COLEC10: variants seen among roughly 807,000 people sequenced by gnomAD.
The protein encoded by COLEC10 is collectin-10.
A neutral mutation model predicts 28.4 loss-of-function variants in COLEC10; 22 were observed. That is an observed-to-expected ratio of 0.78 (90% confidence interval 0.55 to 1.11). COLEC10 has a LOEUF of 1.11. Among genes scored for constraint, COLEC10 ranks in the 50% least tolerant of loss-of-function variants. COLEC10 has a pLI of 0.00. For synonymous variants in COLEC10, 125 were observed against 116.1 expected, an observed-to-expected ratio of 1.08 and a Z score of -0.49; for missense variants, 361 against 344.1, an observed-to-expected ratio of 1.05 and a Z score of -0.39.
chr8:119,091,054 A>C, intron 2 of COLEC10, 95 bp from the exon 3 acceptor site: 1 of 923,896 alleles, frequency 1.1e-6, no homozygotes, highest in Non-Finnish European at 1.8e-6. Context: ...AGAAGAATAT[A>C]CTTGTTGGTA....
chr8:119,069,971 T>C (rs910437363), intron 1 of COLEC10, among the ~76,000 whole-genome samples: 1 of 152,128 alleles, frequency 6.6e-6, no homozygotes, highest in Non-Finnish European at 1.5e-5. Flanking sequence ...TAAATTCATC[T>C]GGGAGAGTGA....
chr8:119,011,711 T>C (rs1813903252), intron 2 of COLEC10, among the ~76,000 whole-genome samples: 1 of 151,004 alleles, frequency 6.6e-6, no homozygotes, highest in Admixed American at 6.6e-5. Context: ...TTTGTGCTTT[T>C]GGGTGCTAAT....
the COLEC10 span, among the ~76,000 whole-genome samples, chr8:118,954,298 C>T: frequency 3.9e-5 from 6 of 152,336 alleles, no homozygotes; most frequent in South Asian, 1.0e-3. Context: ...CTTTATTCAT[C>T]ACTCACTGAC....
intron 1 of COLEC10, among the ~76,000 whole-genome samples, chr8:118,997,218 AAT>A (rs1166026133): frequency 6.6e-6 from 1 of 152,124 alleles, no homozygotes; most frequent in Non-Finnish European, 1.5e-5. Context: ...CCTCTTACCA[AAT>A]ATATGGTTTA....
chr8:118,976,349 T>G, the COLEC10 span, among the ~76,000 whole-genome samples: 1 of 152,050 alleles, frequency 6.6e-6, no homozygotes, highest in African/African-American at 2.4e-5. Flanking sequence ...CTTAGTTGGG[T>G]TGACATATGT....
At chr8:118,971,516 G>A in the COLEC10 span, among the ~76,000 whole-genome samples, 1 of 151,900 alleles carries the variant, frequency 6.6e-6, no homozygotes, top group African/African-American at 2.4e-5. Context: ...GATAAAATAG[G>A]TAGCTCCAAA....
chr8:119,064,745 A>G (rs1349026577), upstream of COLEC10, among the ~76,000 whole-genome samples: 1 of 152,104 alleles, frequency 6.6e-6, no homozygotes, highest in African/African-American at 2.4e-5. Context: ...GTTCATCTTT[A>G]TGGAAACCAA....
chr8:118,980,159 A>C, the COLEC10 span, among the ~76,000 whole-genome samples: 1 of 152,066 alleles, frequency 6.6e-6, no homozygotes, highest in African/African-American at 2.4e-5. Context: ...GAACACCAGG[A>C]AATAAAGATC....
chr8:118,990,137 T>C, the COLEC10 span, among the ~76,000 whole-genome samples: 1 of 152,096 alleles, frequency 6.6e-6, no homozygotes, highest in Admixed American at 6.6e-5. Flanking sequence ...CAACCAACTG[T>C]ATTACATCTC....
At chr8:119,105,400 C>T (rs1280809859) in intron 5 of COLEC10, among the ~76,000 whole-genome samples, 1 of 151,910 alleles carries the variant, frequency 6.6e-6, no homozygotes, top group Non-Finnish European at 1.5e-5. Flanking sequence ...TAGAAGTTTA[C>T]CAGGTAGAAA....
At chr8:118,996,430 C>T (rs567900326) in intron 1 of COLEC10, among the ~76,000 whole-genome samples, 126 of 152,194 alleles carry the variant, frequency 8.3e-4, no homozygotes, top group African/African-American at 2.6e-3. Flanking sequence ...TTTTGAGGAA[C>T]GCTCGTTCTG....
the COLEC10 span, among the ~76,000 whole-genome samples, chr8:118,962,176 GAGA>G: frequency 2.0e-5 from 3 of 152,200 alleles, no homozygotes; most frequent in African/African-American, 4.8e-5. Flanking sequence ...AAGTCCAACT[GAGA>G]AGAATAACTG....
the COLEC10 span, among the ~76,000 whole-genome samples, chr8:118,960,785 GAAAAAAAAAAAAA>G: frequency 1.4e-5 from 1 of 72,556 alleles, no homozygotes; most frequent in Non-Finnish European, 2.6e-5. Flanking sequence ...GAGACTCTGT[GAAAAAAAAAAAAA>G]AAAAAAAAAA....
the COLEC10 span, among the ~76,000 whole-genome samples, chr8:118,973,270 T>C: frequency 1.3e-5 from 2 of 152,024 alleles, no homozygotes; most frequent in Non-Finnish European, 2.9e-5. Context: ...ACAGCATACA[T>C]TTATCATCTT....
chr8:118,992,557 C>T (rs555072741), upstream of COLEC10, among the ~76,000 whole-genome samples: 12 of 152,192 alleles, frequency 7.9e-5, no homozygotes, highest in South Asian at 2.1e-4. Flanking sequence ...ATAAAGAACT[C>T]GACCTTAAAA....
chr8:119,023,278 C>T (rs1426600404), intron 2 of COLEC10, among the ~76,000 whole-genome samples: 1 of 152,016 alleles, frequency 6.6e-6, no homozygotes, highest in African/African-American at 2.4e-5. Context: ...ATTCATTCCC[C>T]CAATATATAG....
chr8:118,963,162 A>C, the COLEC10 span, among the ~76,000 whole-genome samples: 4,087 of 152,310 alleles, frequency 0.027, 171 homozygotes, highest in African/African-American at 0.093. Flanking sequence ...AGTTCAGTTC[A>C]GGAGTTACCA....
intron 2 of COLEC10, among the ~76,000 whole-genome samples, chr8:119,024,806 A>G (rs1192257554): frequency 6.6e-6 from 1 of 152,156 alleles, no homozygotes; most frequent in Non-Finnish European, 1.5e-5. Context: ...AAAGAGAATA[A>G]TATGATGTTC....
At chr8:119,014,704 CT>C (rs948053884) in intron 2 of COLEC10, among the ~76,000 whole-genome samples, 3 of 150,776 alleles carry the variant, frequency 2.0e-5, no homozygotes, top group Non-Finnish European at 4.4e-5. Flanking sequence ...TGTGTTACAC[CT>C]TTTGTAGTTG....
Sources: allele counts gnomAD v4.1 joint callset (sites outside exome capture counted in the v4.1 genomes callset), GRCh38; gene constraint gnomAD v4.1.1; transcripts MANE v1.5; gene names NCBI Gene and HGNC (gene_info 2026-07-23, HGNC 2026-07-21).